Variants in CLPB observed in about 807,000 individuals in gnomAD.
CLPB encodes the protein mitochondrial disaggregase.
Under a neutral mutation model 78.4 loss-of-function variants are expected in CLPB, and 40 were observed. That is an observed-to-expected ratio of 0.51 (90% CI 0.40 to 0.66). The LOEUF is 0.66. Ranked by LOEUF, CLPB falls within the 30% of genes least tolerant of loss-of-function variation. CLPB has a pLI of 0.00. For missense variants in CLPB, 780 were observed against 886.9 expected, an observed-to-expected ratio of 0.88 and a Z score of 1.53; for synonymous variants, 333 against 348.0, an observed-to-expected ratio of 0.96 and a Z score of 0.48.
chr11:72,425,563 T>C (rs545261537), intron 2 of CLPB, among the ~76,000 whole-genome samples: 2 of 152,340 alleles, frequency 1.3e-5, no homozygotes, highest in South Asian at 4.1e-4. Context: ...CTTCCTCATT[T>C]TGTTGCCACA....
chr11:72,336,961 C>T (rs968896714), intron 5 of CLPB: 42 of 397,058 alleles, frequency 1.1e-4, no homozygotes, highest in African/African-American at 5.3e-4. Flanking sequence ...CTCCAGTGAT[C>T]AGTGCTCTCC....
chr11:72,298,351 C>G (rs1318093801), intron 11 of CLPB, among the ~76,000 whole-genome samples: 1 of 152,192 alleles, frequency 6.6e-6, no homozygotes, highest in Non-Finnish European at 1.5e-5. Context: ...TAGCGCAGCA[C>G]CGACCACAGT....
chr11:72,344,404 G>GT (rs1419050779), intron 5 of CLPB, among the ~76,000 whole-genome samples: 3 of 151,660 alleles, frequency 2.0e-5, no homozygotes, highest in Non-Finnish European at 4.4e-5. Context: ...TAGAGACAGG[G>GT]TTTTGCCATG....
intron 2 of CLPB, among the ~76,000 whole-genome samples, chr11:72,409,326 G>A (rs150031150): frequency 0.029 from 4,481 of 152,274 alleles, 112 homozygotes; most frequent in Non-Finnish European, 0.041. Flanking sequence ...GCTCACACCT[G>A]TAATCCCAGC....
rs1359524018 is a variant in CLPB, at chr11:72,434,230, CAT to C, written c.243_244del (p.Cys82ProfsTer110). ...GCGTCCCCAAGTGGCAGCCGCGAGG[CAT>C]TTGGTATCGAAGCGTCCTCCCTGGC... On this transcript the variant is annotated frameshift_variant, in exon 1 of 16. Coordinates refer to ENST00000538039, the MANE Select transcript of CLPB (RefSeq NM_001258392.3). LOFTEE classifies it high-confidence loss of function. 1.2e-6 allele frequency: 2 copies of C among 1,613,660 alleles called. No homozygotes were observed. The highest frequency in any genetic ancestry group is 2.2e-5 in the South Asian group (2 of 91,058).
chr11:72,361,813 T>A (rs527328069), intron 4 of CLPB, among the ~76,000 whole-genome samples: 1 of 152,270 alleles, frequency 6.6e-6, no homozygotes, highest in Admixed American at 6.5e-5. Context: ...GATATAATAA[T>A]AAATAAGACA....
rs1949857359 is a variant in CLPB at position 72,312,046 on chromosome 11, G to A, written c.989-3442C>T. Among the ~76,000 whole-genome samples the A allele has an allele frequency of 6.6e-6, 1 of 152,160 alleles. No individual in the cohort carries two copies. Among genetic ancestry groups the A allele is most frequent in the South Asian group, 2.1e-4 (1 of 4,816 alleles). Reference sequence around the variant, plus strand: ...TCTACCGGGTGGTATAGTGGAGAGGGCAGGAGTTACAGGATCTAGCATGGA... The same window carrying A: ...TCTACCGGGTGGTATAGTGGAGAGGACAGGAGTTACAGGATCTAGCATGGA... On this transcript the variant is annotated intron_variant, in intron 7 of 15. Coordinates refer to ENST00000538039, the MANE Select transcript of CLPB (RefSeq NM_001258392.3). The surrounding 1 kb of genome is among the most constrained non-coding windows in gnomAD (Gnocchi z 4.2).
chr11:72,421,766 A>G (rs1229031959), intron 2 of CLPB, among the ~76,000 whole-genome samples: 2 of 152,244 alleles, frequency 1.3e-5, no homozygotes, highest in African/African-American at 2.4e-5. Flanking sequence ...ATGAAGTTAT[A>G]GAGAAGCTGC....
intron 2 of CLPB, among the ~76,000 whole-genome samples, chr11:72,404,122 C>T (rs922452472): frequency 1.3e-5 from 2 of 152,206 alleles, no homozygotes; most frequent in African/African-American, 4.8e-5. Context: ...ACCCTTCCTC[C>T]AGACAGAACC....
At chr11:72,379,113 C>T (rs747656787) in intron 4 of CLPB, among the ~76,000 whole-genome samples, 5 of 152,172 alleles carry the variant, frequency 3.3e-5, no homozygotes, top group Non-Finnish European at 7.3e-5. Context: ...ACCTTCTCCC[C>T]GGGGCAGCAA....
At chr11:72,335,644 G>A (rs1050190548) in intron 5 of CLPB, among the ~76,000 whole-genome samples, 1 of 152,162 alleles carries the variant, frequency 6.6e-6, no homozygotes, top group Admixed American at 6.5e-5. Flanking sequence ...TGCTCCCATA[G>A]GTCTTTCGGC....
intron 1 of CLPB, among the ~76,000 whole-genome samples, chr11:72,431,434 AGCTCTGTC>A (rs1856542899): frequency 6.6e-6 from 1 of 152,228 alleles, no homozygotes; most frequent in Admixed American, 6.5e-5. Flanking sequence ...GGTCTAGCCC[AGCTCTGTC>A]GCTTATTTGC....
Position 72,289,447 on chromosome 11 carries a change from A to G in CLPB, c.*3920T>C, listed in dbSNP as rs1405276463. On this transcript the variant is annotated 3_prime_UTR_variant, in exon 16 of 16. Coordinates refer to ENST00000538039, the MANE Select transcript of CLPB (RefSeq NM_001258392.3). ...GCCTCTATGGGAAGTCTAAACATCA[A>G]ATAGAAAGGAGCAGAAACAGAGATA... 3.3e-5 allele frequency: 5 copies of G among 152,312 alleles called. No individual in the cohort carries two copies. In the East Asian group the frequency reaches 7.7e-4, roughly 23 times the overall value. The allele number at this position is 152,312 out of a possible 1,614,324, so 9.4% of individuals were successfully genotyped here.
At chr11:72,362,055 C>T (rs1183061701) in intron 4 of CLPB, among the ~76,000 whole-genome samples, 2 of 152,212 alleles carry the variant, frequency 1.3e-5, no homozygotes, top group Non-Finnish European at 2.9e-5. Context: ...CACTGCTCAC[C>T]TCAGTCTCAT....
At chr11:72,322,314 CTAGG>C (rs1276467814) in intron 6 of CLPB, among the ~76,000 whole-genome samples, 1 of 152,002 alleles carries the variant, frequency 6.6e-6, no homozygotes, top group Non-Finnish European at 1.5e-5. Flanking sequence ...CTGCAAATAG[CTAGG>C]TGGATCAGAG....
chr11:72,397,694 G>T (rs1350546434), intron 3 of CLPB, among the ~76,000 whole-genome samples: 1 of 152,086 alleles, frequency 6.6e-6, no homozygotes, highest in Non-Finnish European at 1.5e-5. Flanking sequence ...AAAAAAATTA[G>T]ATTTTTTTTA....
chr11:72,318,644 C>T (rs1229908884), intron 6 of CLPB, among the ~76,000 whole-genome samples: 5 of 152,160 alleles, frequency 3.3e-5, no homozygotes, highest in Non-Finnish European at 7.3e-5. Context: ...GCAGTGTTTT[C>T]CTGTTACAGT....
intron 5 of CLPB, among the ~76,000 whole-genome samples, chr11:72,330,894 A>G (rs1223202164): frequency 6.6e-6 from 1 of 152,100 alleles, no homozygotes; most frequent in African/African-American, 2.4e-5. Context: ...CTGCCATAGG[A>G]TAGAATGGGC....
intron 2 of CLPB, among the ~76,000 whole-genome samples, chr11:72,407,760 C>T (rs984357442): frequency 6.6e-6 from 1 of 152,040 alleles, no homozygotes; most frequent in African/African-American, 2.4e-5. Flanking sequence ...CATTCTCCTG[C>T]CTCAGCCTCC....
Sources: allele counts gnomAD v4.1 joint callset (sites outside exome capture counted in the v4.1 genomes callset), GRCh38; gene constraint gnomAD v4.1.1; non-coding constraint Gnocchi (gnomAD v3.1); transcripts MANE v1.5; gene names NCBI Gene and HGNC (gene_info 2026-07-23, HGNC 2026-07-21).